Variants in DPP10 observed in about 807,000 individuals in gnomAD.
DPP10 encodes inactive dipeptidyl peptidase 10.
DPP10 carries 33 observed loss-of-function variants against 120.9 expected under a neutral mutation model. The observed-to-expected ratio is 0.27, with a 90% CI of 0.21 to 0.37. The LOEUF (loss-of-function observed/expected upper bound fraction) is 0.37. Ranked by LOEUF, DPP10 falls within the 10% of genes least tolerant of loss-of-function variation. The pLI is 1.00. For missense variants in DPP10, 816 were observed against 942.8 expected, an observed-to-expected ratio of 0.87 and a Z score of 1.76; for synonymous variants, 337 against 326.1, an observed-to-expected ratio of 1.03 and a Z score of -0.36.
rs992099658 is a variant in DPP10, at chr2:115,717,817, G to A, written c.577-9999G>A. Among the ~76,000 whole-genome samples, 13 of 152,090 alleles carry A rather than the reference G, an allele frequency of 8.5e-5. No individual in the cohort carries two copies. In the South Asian group the frequency reaches 1.2e-3, roughly 15 times the overall value. ...GCTGAGGGTCTGCTGTTGCTCTTGC[G>A]AATAATTTTTCAATTACAGTTTTAT... is the stretch of plus-strand genomic sequence containing the variant. On this transcript the variant is annotated intron_variant, in intron 7 of 25. Coordinates refer to ENST00000410059, the MANE Select transcript of DPP10 (RefSeq NM_020868.6).
At chr2:115,128,555 G>A (rs992624825) in intron 1 of DPP10, among the ~76,000 whole-genome samples, 2 of 152,128 alleles carry the variant, frequency 1.3e-5, no homozygotes, top group Non-Finnish European at 2.9e-5. Context: ...ATGCAAAAAT[G>A]TTCAGAAACA....
At chr2:115,238,185 A>G (rs1254878170) in intron 1 of DPP10, among the ~76,000 whole-genome samples, 1 of 152,190 alleles carries the variant, frequency 6.6e-6, no homozygotes, top group South Asian at 2.1e-4. Flanking sequence ...GCCAGTGCTC[A>G]TGTATCTTTC....
chr2:115,585,740 GT>G (rs2082250650), intron 5 of DPP10, among the ~76,000 whole-genome samples: 1 of 151,924 alleles, frequency 6.6e-6, no homozygotes, highest in African/African-American at 2.4e-5. Flanking sequence ...TATATTTCTA[GT>G]TTAGTGATTT....
chr2:115,052,455 G>A (rs1338164503), intron 1 of DPP10, among the ~76,000 whole-genome samples: 1 of 152,112 alleles, frequency 6.6e-6, no homozygotes, highest in Non-Finnish European at 1.5e-5. Context: ...TCCAGAATAT[G>A]TAAAGACCAT....
At chr2:114,623,902 A>T (rs899970114) in intron 1 of DPP10, among the ~76,000 whole-genome samples, 3 of 152,094 alleles carry the variant, frequency 2.0e-5, no homozygotes, top group African/African-American at 7.2e-5. Flanking sequence ...TCTATTTAGT[A>T]TTTAAAATAC....
At chr2:115,613,692 T>G (rs1443594991) in intron 5 of DPP10, among the ~76,000 whole-genome samples, 2 of 152,220 alleles carry the variant, frequency 1.3e-5, no homozygotes, top group Non-Finnish European at 2.9e-5. Flanking sequence ...TCTGAGACCC[T>G]TTTTCACTTA....
At position 114,809,845 on chromosome 2, in the gene DPP10, G is replaced by T. The variant is rs148376717; in HGVS notation, c.60+367007G>T. 1.8e-3 allele frequency among the ~76,000 whole-genome samples: 275 copies of T among 152,266 alleles called. 3 individuals are homozygous for T. Among genetic ancestry groups the T allele is most frequent in the African/African-American group, 6.3e-3 (263 of 41,556 alleles). ...GGTGATGCAGATGCTGGTGGTCTGA[G>T]TGCCACACTCAGAGAAACACTGCTA... On this transcript the variant is annotated intron_variant, in intron 1 of 25. Coordinates refer to ENST00000410059, the MANE Select transcript of DPP10 (RefSeq NM_020868.6).
rs539928400 is a variant in DPP10, at chr2:114,848,985, G to A, written c.60+406147G>A. 8.5e-5 allele frequency among the ~76,000 whole-genome samples: 13 copies of A among 152,280 alleles called. No individual in the cohort carries two copies. The South Asian group carries it at 2.3e-3, about 27-fold the overall frequency. On this transcript the variant is annotated intron_variant, in intron 1 of 25. Coordinates refer to ENST00000410059, the MANE Select transcript of DPP10 (RefSeq NM_020868.6). ...TTACTGTGTCCTCACATGATGGGAA[G>A]TACTATCTGGGGCCTCTTTTATAAG...
intron 5 of DPP10, among the ~76,000 whole-genome samples, chr2:115,648,888 G>A (rs2087511396): frequency 6.6e-6 from 1 of 151,954 alleles, no homozygotes; most frequent in South Asian, 2.1e-4. Context: ...AGCAGGGGTA[G>A]AAGGAGCCAA....
At chr2:115,793,745 G>C (rs1237598772) in intron 19 of DPP10, among the ~76,000 whole-genome samples, 1 of 151,832 alleles carries the variant, frequency 6.6e-6, no homozygotes, top group Non-Finnish European at 1.5e-5. Flanking sequence ...GTTATATATA[G>C]TTATATATTG....
intron 1 of DPP10, among the ~76,000 whole-genome samples, chr2:114,731,955 C>A (rs1050464712): frequency 6.6e-6 from 1 of 152,122 alleles, no homozygotes; most frequent in East Asian, 1.9e-4. Context: ...CAATTGTTAT[C>A]TATTTTTCCC....
chr2:114,548,004 C>A, intron 1 of DPP10, among the ~76,000 whole-genome samples: 1 of 152,104 alleles, frequency 6.6e-6, no homozygotes, highest in East Asian at 1.9e-4. Flanking sequence ...CTGCAGGGAC[C>A]ACAGTTGACG....
chr2:115,230,485 A>C (rs182107931), intron 1 of DPP10, among the ~76,000 whole-genome samples: 151 of 152,126 alleles, frequency 9.9e-4, no homozygotes, highest in African/African-American at 3.4e-3. Flanking sequence ...TGCCATGAAC[A>C]CTAGGATTAT....
chr2:115,549,415 C>A (rs764478946), intron 5 of DPP10, among the ~76,000 whole-genome samples: 5 of 152,074 alleles, frequency 3.3e-5, no homozygotes, highest in African/African-American at 7.2e-5. Context: ...CCCTTTCTAT[C>A]CAACTTTTTC....
intron 1 of DPP10, among the ~76,000 whole-genome samples, chr2:115,208,256 A>G (rs867005767): frequency 1.3e-5 from 2 of 148,912 alleles, no homozygotes; most frequent in Admixed American, 6.7e-5. Context: ...CTAGAGTGCA[A>G]TGGCACGATC....
intron 1 of DPP10, among the ~76,000 whole-genome samples, chr2:115,198,011 A>C (rs948126651): frequency 2.0e-5 from 3 of 152,150 alleles, no homozygotes; most frequent in African/African-American, 7.2e-5. Flanking sequence ...TGAAAGATTT[A>C]CTGAGATTTT....
At chr2:115,483,427 C>T (rs1350712627) in intron 3 of DPP10, among the ~76,000 whole-genome samples, 1 of 125,114 alleles carries the variant, frequency 8.0e-6, no homozygotes, top group African/African-American at 2.8e-5. Flanking sequence ...CCTGATATGT[C>T]TATCTGTCTG....
At chr2:115,582,913 A>G (rs1319494677) in intron 5 of DPP10, among the ~76,000 whole-genome samples, 2 of 152,206 alleles carry the variant, frequency 1.3e-5, no homozygotes, top group African/African-American at 4.8e-5. Context: ...GGCATCTACT[A>G]GGAACTTAGT....
At chr2:115,517,027 T>C (rs1455465411) in intron 4 of DPP10, among the ~76,000 whole-genome samples, 2 of 152,140 alleles carry the variant, frequency 1.3e-5, no homozygotes, top group Non-Finnish European at 2.9e-5. Context: ...GGAATGTCAT[T>C]TGTGTTTTTA....
Sources: gnomAD v4.1 joint callset for allele counts (sites outside exome capture counted in the v4.1 genomes callset) on GRCh38, gnomAD v4.1.1 for gene constraint, MANE v1.5 for transcripts, NCBI Gene and HGNC (gene_info 2026-07-23, HGNC 2026-07-21) for gene names.